The following CDC73 variants were observed in gnomAD, a reference collection of about 807,000 sequenced individuals.
The protein encoded by CDC73 is cell division cycle 73.
CDC73 carries 21 observed loss-of-function variants against 83.7 expected under a neutral mutation model. That is an observed-to-expected ratio of 0.25 (90% CI 0.18 to 0.36). CDC73 has a LOEUF of 0.36. Among genes scored for constraint, CDC73 ranks in the 10% least tolerant of loss-of-function variants. The pLI is 1.00. For missense variants in CDC73, 342 were observed against 653.3 expected, an observed-to-expected ratio of 0.52 and a Z score of 5.19; for synonymous variants, 224 against 212.9, an observed-to-expected ratio of 1.05 and a Z score of -0.45.
At chr1:193,141,751 T>A (rs1675909902) in intron 6 of CDC73, 99 bp from the exon 7 acceptor site, 1 of 764,878 alleles carries the variant, frequency 1.3e-6, no homozygotes, top group Admixed American at 2.1e-5. Flanking sequence ...TATTGCCATG[T>A]AAGTGTTTTT....
intron 10 of CDC73, among the ~76,000 whole-genome samples, chr1:193,200,155 T>G (rs1174065647): frequency 6.6e-6 from 1 of 151,554 alleles, no homozygotes; most frequent in Non-Finnish European, 1.5e-5. Context: ...GCCCCAGAGG[T>G]CAAGGCTGCA....
chr1:193,148,639 A>ATTTT (rs894987430), intron 8 of CDC73, among the ~76,000 whole-genome samples: 14 of 113,678 alleles, frequency 1.2e-4, no homozygotes, highest in African/African-American at 2.1e-4. Context: ...AAAATTTATA[A>ATTTT]TTTTTTTTTT....
chr1:193,197,278 T>G (rs2103172456), intron 10 of CDC73, among the ~76,000 whole-genome samples: 1 of 152,316 alleles, frequency 6.6e-6, no homozygotes, highest in East Asian at 1.9e-4. Context: ...CACCTTTGCA[T>G]TCCAAGAATG....
chr1:193,197,694 G>A (rs1466380434), intron 10 of CDC73, among the ~76,000 whole-genome samples: 2 of 152,004 alleles, frequency 1.3e-5, no homozygotes, highest in Non-Finnish European at 2.9e-5. Flanking sequence ...GGGAGGCTGA[G>A]GTGGGTGGAT....
chr1:193,239,193 A>G (rs1677816472), intron 15 of CDC73, among the ~76,000 whole-genome samples: 1 of 152,092 alleles, frequency 6.6e-6, no homozygotes, highest in Non-Finnish European at 1.5e-5. Flanking sequence ...TGATGGTTTT[A>G]CTCTCTTCCT....
rs116789757 is a variant in CDC73, at chr1:193,169,604, A to G, written c.972+17160A>G. 8.7e-3 allele frequency among the ~76,000 whole-genome samples: 1,318 copies of G among 152,308 alleles called. 19 individuals are homozygous for G. The highest frequency in any genetic ancestry group is 0.03 in the African/African-American group (1,259 of 41,552). On this transcript the variant is annotated intron_variant, in intron 10 of 16. Transcript: ENST00000367435. Reference sequence around the variant, plus strand: ...GGCAGTTGCATAATGGCTGATGCCTATGTACTGTAGATAAAATTACTTTCC... The same window carrying G: ...GGCAGTTGCATAATGGCTGATGCCTGTGTACTGTAGATAAAATTACTTTCC...
intron 10 of CDC73, among the ~76,000 whole-genome samples, chr1:193,176,671 A>G (rs1371947326): frequency 6.6e-6 from 1 of 152,098 alleles, no homozygotes; most frequent in African/African-American, 2.4e-5. Flanking sequence ...TTTTTTTTCT[A>G]CTTTTTAAGG....
At chr1:193,125,562 A>G (rs1283231107) in intron 2 of CDC73, among the ~76,000 whole-genome samples, 1 of 151,772 alleles carries the variant, frequency 6.6e-6, no homozygotes, top group Admixed American at 6.6e-5. Flanking sequence ...GTGCCTGGCC[A>G]ATAATTCATT....
At chr1:193,226,246 G>GT (rs1447780658) in intron 13 of CDC73, among the ~76,000 whole-genome samples, 1 of 152,138 alleles carries the variant, frequency 6.6e-6, no homozygotes, top group Non-Finnish European at 1.5e-5. Context: ...ACAGTTGGCT[G>GT]TAAGTATTTG....
In CDC73 at chr1:193,122,032, C is replaced by T. The variant is rs756723306; in HGVS notation, c.-169C>T. 19 of 649,890 alleles carry T rather than the reference C, an allele frequency of 2.9e-5. No individual in the cohort carries two copies. Among genetic ancestry groups the T allele is most frequent in the Admixed American group, 4.9e-5 (2 of 40,452 alleles). 40.3% of individuals were successfully genotyped at this position (649,890 alleles called of 1,614,324 possible). A position where few individuals can be genotyped will look rare whatever the true frequency, so the allele number is the denominator to read the frequency against. ...GCGGGGTCCTCGGCGGCCTGGGTGG[C>T]TACTGCCCCTGCTGCTGTCGTAGGC... On this transcript the variant is annotated 5_prime_UTR_variant, in exon 1 of 17. Coordinates refer to ENST00000367435, the MANE Select transcript of CDC73 (RefSeq NM_024529.5).
intron 1 of CDC73, among the ~76,000 whole-genome samples, chr1:193,123,632 T>G (rs984503129): frequency 2.0e-5 from 3 of 152,210 alleles, no homozygotes; most frequent in Admixed American, 6.5e-5. Flanking sequence ...TCGAATAATT[T>G]GCATAGGTAG....
At chr1:193,240,204 C>A (rs1677834662) in intron 15 of CDC73, among the ~76,000 whole-genome samples, 1 of 152,126 alleles carries the variant, frequency 6.6e-6, no homozygotes, top group Non-Finnish European at 1.5e-5. Context: ...GGATTTCATT[C>A]TTTTTTATGG....
rs532801668 is a variant in CDC73, at chr1:193,208,824, C to T, written c.1031-3241C>T. Among the ~76,000 whole-genome samples the T allele has an allele frequency of 3.9e-5, 6 of 152,230 alleles. No homozygotes were observed. The East Asian group carries it at 5.8e-4, about 15-fold the overall frequency. ...TTCCCCAAGCGCAGCAGTTTCTTCCCGCCTATGGTATTTGCCCGTATTCCT... is the reference window on the plus strand; with the variant it reads ...TTCCCCAAGCGCAGCAGTTTCTTCCTGCCTATGGTATTTGCCCGTATTCCT... On this transcript the variant is annotated intron_variant, in intron 11 of 16. Transcript: ENST00000367435.
At chr1:193,204,787 C>CA (rs1677158854) in intron 11 of CDC73, among the ~76,000 whole-genome samples, 1 of 152,060 alleles carries the variant, frequency 6.6e-6, no homozygotes, top group Non-Finnish European at 1.5e-5. Flanking sequence ...TGTTTTAAAA[C>CA]ATTTTTAAAA....
chr1:193,153,256 A>G (rs1029401306), intron 10 of CDC73, among the ~76,000 whole-genome samples: 3 of 152,192 alleles, frequency 2.0e-5, no homozygotes, highest in African/African-American at 7.2e-5. Context: ...TGACCAAGCC[A>G]TATTTAACAT....
intron 10 of CDC73, among the ~76,000 whole-genome samples, chr1:193,187,511 C>A (rs918333953): frequency 2.0e-5 from 3 of 152,014 alleles, no homozygotes; most frequent in African/African-American, 7.3e-5. Flanking sequence ...TTTCTTACTG[C>A]AGAGCAGTAG....
At chr1:193,199,792 T>C (rs929730396) in intron 10 of CDC73, among the ~76,000 whole-genome samples, 1 of 151,826 alleles carries the variant, frequency 6.6e-6, no homozygotes, top group African/African-American at 2.4e-5. Context: ...TTCATAGGAA[T>C]AAGTTACTTT....
At chr1:193,139,327 C>T (rs1030113207) in intron 6 of CDC73, among the ~76,000 whole-genome samples, 1 of 149,302 alleles carries the variant, frequency 6.7e-6, no homozygotes, top group Non-Finnish European at 1.5e-5. Context: ...AGTGCAGTGG[C>T]GTGATCTCGG....
At chr1:193,133,282 G>T (rs990807089) in intron 3 of CDC73, among the ~76,000 whole-genome samples, 2 of 152,094 alleles carry the variant, frequency 1.3e-5, no homozygotes, top group African/African-American at 4.8e-5. Flanking sequence ...TTAATGAAAA[G>T]GTTGAGCAAA....
Sources: gnomAD v4.1 joint callset for allele counts (sites outside exome capture counted in the v4.1 genomes callset) on GRCh38, gnomAD v4.1.1 for gene constraint, MANE v1.5 for transcripts, NCBI Gene and HGNC (gene_info 2026-07-23, HGNC 2026-07-21) for gene names.